Variants in LIPC observed in about 807,000 individuals in gnomAD.
The protein encoded by LIPC is lipase C, hepatic type.
Under a neutral mutation model 50.7 loss-of-function variants are expected in LIPC, and 44 were observed. The ratio of observed to expected loss-of-function variants is 0.87; its 90% confidence interval spans 0.68 to 1.11. The LOEUF (loss-of-function observed/expected upper bound fraction) is 1.11. Ranked by LOEUF, LIPC falls within the 50% of genes most tolerant of loss-of-function variation. LIPC has a pLI of 0.00. For missense variants in LIPC, 697 were observed against 648.2 expected (o/e 1.08, Z -0.82); for synonymous variants, 271 against 256.4 (o/e 1.06, Z -0.54).
At chr15:58,516,755 A>G (rs1595913209) in intron 1 of LIPC, among the ~76,000 whole-genome samples, 1 of 152,226 alleles carries the variant, frequency 6.6e-6, no homozygotes, top group African/African-American at 2.4e-5. Flanking sequence ...ATATAGTTAT[A>G]AGAACTGTTT....
At position 58,565,923 on chromosome 15, in the gene LIPC, A is replaced by T; in HGVS notation, c.1388+2200A>T. ...TACTATCGGAGAATACAAAAAAAAA[A>T]AAAAAAATCTGAGTTGTGGCTCTTG... On this transcript the variant is annotated intron_variant, in intron 8 of 8. Transcript: ENST00000299022. 10 of 985,152 alleles carry T rather than the reference A, an allele frequency of 1.0e-5. No homozygotes were observed. The South Asian group carries it at 4.7e-4, about 46-fold the overall frequency. The allele number at this position is 985,152 out of a possible 1,614,324, so 61.0% of individuals were successfully genotyped here. A position where few individuals can be genotyped will look rare whatever the true frequency, so the allele number is the denominator to read the frequency against.
chr15:58,554,202 G>T (rs775863492), intron 6 of LIPC, among the ~76,000 whole-genome samples: 15 of 152,090 alleles, frequency 9.9e-5, no homozygotes, highest in Non-Finnish European at 1.9e-4. Flanking sequence ...GTCCACACAG[G>T]GTTACAATCC....
At chr15:58,495,246 G>T (rs1243408528) in intron 1 of LIPC, among the ~76,000 whole-genome samples, 1 of 152,156 alleles carries the variant, frequency 6.6e-6, no homozygotes, top group Non-Finnish European at 1.5e-5. Flanking sequence ...TTTAGTTCTG[G>T]TTTTGAAAGA....
Position 58,492,648 on chromosome 15 carries a change from A to G in LIPC, c.89-45685A>G, listed in dbSNP as rs142417538. Among the ~76,000 whole-genome samples, 331 of 152,310 alleles carry G rather than the reference A, an allele frequency of 2.2e-3. 1 individual carries two copies. The highest frequency in any genetic ancestry group is 7.5e-3 in the African/African-American group (313 of 41,578). ...CTGCAAATGTAGCCACCCAAAGCCA[A>G]TCAAGCCAGTGGTAGAGTTCTAAAA... On this transcript the variant is annotated intron_variant, in intron 1 of 8. Transcript: ENST00000299022.
At chr15:58,494,177 T>A (rs1358585788) in intron 1 of LIPC, among the ~76,000 whole-genome samples, 5 of 152,094 alleles carry the variant, frequency 3.3e-5, no homozygotes, top group African/African-American at 1.2e-4. Context: ...AGAGAGAGAA[T>A]CCCCAGAGAG....
At chr15:58,464,010 G>C (rs944630784) in intron 1 of LIPC, among the ~76,000 whole-genome samples, 1 of 151,922 alleles carries the variant, frequency 6.6e-6, no homozygotes, top group African/African-American at 2.4e-5. Context: ...TCAGTAAATA[G>C]AACAGTAGAG....
At chr15:58,540,040 T>A (rs773770370) in intron 2 of LIPC, among the ~76,000 whole-genome samples, 21 of 152,226 alleles carry the variant, frequency 1.4e-4, no homozygotes, top group Non-Finnish European at 2.5e-4. Flanking sequence ...TGCTAGGCCG[T>A]AAGCTTCTCC....
intron 1 of LIPC, among the ~76,000 whole-genome samples, chr15:58,517,893 AGGTT>A (rs1352887797): frequency 6.6e-6 from 1 of 152,204 alleles, no homozygotes; most frequent in Non-Finnish European, 1.5e-5. Context: ...AGCCTTGCGG[AGGTT>A]AAATGATCTC....
At chr15:58,551,921 C>G (rs1893775661) in intron 6 of LIPC, among the ~76,000 whole-genome samples, 1 of 152,188 alleles carries the variant, frequency 6.6e-6, no homozygotes. Context: ...CAACTGTACA[C>G]CAGAACTCGG....
At chr15:58,544,868 C>T (rs564569133) in intron 4 of LIPC, among the ~76,000 whole-genome samples, 24 of 152,264 alleles carry the variant, frequency 1.6e-4, no homozygotes, top group African/African-American at 5.5e-4. Flanking sequence ...AAACTTGGAG[C>T]GCATAAATAC....
rs1046799684 is a variant in LIPC at position 58,529,244 on chromosome 15, A to G, written c.89-9089A>G. Among the ~76,000 whole-genome samples, 8 of 152,242 alleles carry G rather than the reference A, an allele frequency of 5.3e-5. No individual in the cohort carries two copies. In the East Asian group the frequency reaches 1.5e-3, roughly 29 times the overall value. ...ACTTGACTGTAAGCCAAGATCTCTC[A>G]TGGCAAGAGCAGCTGAAGGGCCTGT... On this transcript the variant is annotated intron_variant, in intron 1 of 8. Transcript: ENST00000299022.
intron 8 of LIPC, chr15:58,565,960 C>T (rs1894352309): frequency 1.0e-6 from 1 of 980,150 alleles, no homozygotes; most frequent in Non-Finnish European, 1.2e-6. Flanking sequence ...TAGAAATAAA[C>T]TCCAGGACCT....
chr15:58,436,073 T>C (rs1200540789), intron 1 of LIPC: 1 of 152,258 alleles, frequency 6.6e-6, no homozygotes, highest in African/African-American at 2.4e-5. Flanking sequence ...TTCATAAATA[T>C]TGTGTTCTAC....
chr15:58,434,682 C>T (rs1893233583), intron 1 of LIPC, among the ~76,000 whole-genome samples: 1 of 152,248 alleles, frequency 6.6e-6, no homozygotes, highest in South Asian at 2.1e-4. Flanking sequence ...GCGTGAGCTG[C>T]TTGAAGCCCA....
chr15:58,443,765 A>G (rs1317111164), intron 1 of LIPC, among the ~76,000 whole-genome samples: 2 of 152,248 alleles, frequency 1.3e-5, no homozygotes, highest in Admixed American at 1.3e-4. Flanking sequence ...CTGAGTCTGA[A>G]AAAGGAGTCA....
intron 2 of LIPC, among the ~76,000 whole-genome samples, chr15:58,541,123 G>A (rs1401725708): frequency 1.3e-5 from 2 of 151,996 alleles, no homozygotes; most frequent in African/African-American, 4.8e-5. Flanking sequence ...CGTCTTACTG[G>A]ACTCCTATTG....
chr15:58,484,319 G>A (rs1356350068), intron 1 of LIPC, among the ~76,000 whole-genome samples: 7 of 152,176 alleles, frequency 4.6e-5, no homozygotes, highest in African/African-American at 1.7e-4. Context: ...ATAGAAAAAT[G>A]CCTTAGCATT....
rs186027398 is a variant in LIPC, at chr15:58,486,314, C to T, written c.89-52019C>T. Among the ~76,000 whole-genome samples, 26 of 152,252 alleles carry T rather than the reference C, an allele frequency of 1.7e-4. No individual in the cohort carries two copies. In the South Asian group the frequency reaches 2.1e-3, roughly 12 times the overall value. ...GCTGTCCTAGTATGACTGGGCCTAA[C>T]GGATGTTCTGGTTTGTGGGACTTTG... On this transcript the variant is annotated intron_variant, in intron 1 of 8. Coordinates refer to ENST00000299022, the MANE Select transcript of LIPC (RefSeq NM_000236.3).
chr15:58,501,978 T>G (rs1892000021), intron 1 of LIPC, among the ~76,000 whole-genome samples: 1 of 152,130 alleles, frequency 6.6e-6, no homozygotes, highest in African/African-American at 2.4e-5. Context: ...GCTCACCCAC[T>G]CTCCTGGGGA....
Sources: gnomAD v4.1 joint callset for allele counts (sites outside exome capture counted in the v4.1 genomes callset) on GRCh38, gnomAD v4.1.1 for gene constraint, MANE v1.5 for transcripts, NCBI Gene and HGNC (gene_info 2026-07-23, HGNC 2026-07-21) for gene names.